Variants in GRM8 observed in about 807,000 individuals in gnomAD.
GRM8 encodes metabotropic glutamate receptor 8.
In GRM8, 47 loss-of-function variants were observed where a neutral mutation model predicts 87.2. That is an observed-to-expected ratio of 0.54 (90% confidence interval 0.43 to 0.69). The LOEUF (loss-of-function observed/expected upper bound fraction) is 0.69. GRM8 is among the 30% of genes least tolerant of loss of function. The probability of loss-of-function intolerance (pLI) is 0.00; values close to 1 mark genes in which losing one functional copy is unlikely to be tolerated. For synonymous variants in GRM8, 396 were observed against 404.5 expected (o/e 0.98, Z 0.25); for missense variants, 1,019 against 1,139.2 (o/e 0.89, Z 1.52).
chr7:127,143,400 TA>T (rs1460329511), intron 2 of GRM8, among the ~76,000 whole-genome samples: 1 of 152,170 alleles, frequency 6.6e-6, no homozygotes, highest in Non-Finnish European at 1.5e-5. Flanking sequence ...AGAGATATCC[TA>T]ATAAGTATTA....
chr7:126,963,863 T>A (rs1402716268), intron 3 of GRM8, among the ~76,000 whole-genome samples: 6 of 151,894 alleles, frequency 4.0e-5, no homozygotes, highest in African/African-American at 1.5e-4. Context: ...GCCAAGACAA[T>A]CCAAAGCAAA....
At chr7:126,704,966 C>T (rs549171863) in intron 7 of GRM8, among the ~76,000 whole-genome samples, 32 of 152,190 alleles carry the variant, frequency 2.1e-4, no homozygotes, top group South Asian at 1.5e-3. Context: ...CCTATTTGTA[C>T]GCTCCCTCCC....
At chr7:126,827,569 C>G (rs1053390308) in intron 6 of GRM8, among the ~76,000 whole-genome samples, 1 of 152,130 alleles carries the variant, frequency 6.6e-6, no homozygotes, top group African/African-American at 2.4e-5. Flanking sequence ...GATTTTGTAT[C>G]CTGAGACTTT....
intron 9 of GRM8, among the ~76,000 whole-genome samples, chr7:126,496,127 A>C (rs1808690542): frequency 6.6e-6 from 1 of 151,890 alleles, no homozygotes; most frequent in Non-Finnish European, 1.5e-5. Context: ...TTACACTTAG[A>C]GTTTCAGAGA....
chr7:127,232,189 G>GTGTGTGTA (rs1014692876), intron 2 of GRM8, among the ~76,000 whole-genome samples: 2 of 143,756 alleles, frequency 1.4e-5, no homozygotes, highest in African/African-American at 5.1e-5. Flanking sequence ...TTCTTTGTGT[G>GTGTGTGTA]TGTGTGTGTG....
chr7:126,886,618 A>G (rs2131041547), intron 6 of GRM8, among the ~76,000 whole-genome samples: 1 of 152,290 alleles, frequency 6.6e-6, no homozygotes, highest in South Asian at 2.1e-4. Context: ...ATTAATGCCT[A>G]CAGATTAATA....
rs367838252 is a variant in GRM8 at position 126,591,765 on chromosome 7, GA to G, written c.1494+17596del. On this transcript the variant is annotated intron_variant, in intron 8 of 10. Transcript: ENST00000339582. ...TAAGCTCAAAGTTAGTAGAAGGAAG[GA>G]AAAAAAAAAGATCATCACAGAAATA... is the stretch of plus-strand genomic sequence containing the variant. Among the ~76,000 whole-genome samples the G allele has an allele frequency of 3.5e-3, 496 of 141,042 alleles. 20 individuals are homozygous for G. In the East Asian group the frequency reaches 0.084, roughly 24 times the overall value. The allele number at this position is 141,042 out of a possible 152,430, so 92.5% of individuals were successfully genotyped here. A position where few individuals can be genotyped will look rare whatever the true frequency, so the allele number is the denominator to read the frequency against.
chr7:126,971,290 C>T (rs1810405509), intron 3 of GRM8, among the ~76,000 whole-genome samples: 1 of 150,878 alleles, frequency 6.6e-6, no homozygotes, highest in African/African-American at 2.4e-5. Flanking sequence ...TTTATATATA[C>T]AGGGACTGGG....
At chr7:126,804,626 C>T (rs547740976) in intron 6 of GRM8, among the ~76,000 whole-genome samples, 1 of 152,172 alleles carries the variant, frequency 6.6e-6, no homozygotes, top group Non-Finnish European at 1.5e-5. Flanking sequence ...ATCCATTCAA[C>T]GAAGACACCT....
chr7:126,901,775 T>A (rs1378339567), intron 6 of GRM8, among the ~76,000 whole-genome samples: 1 of 152,228 alleles, frequency 6.6e-6, no homozygotes, highest in Non-Finnish European at 1.5e-5. Context: ...AAATTGACCC[T>A]TATATATGTT....
intron 2 of GRM8, among the ~76,000 whole-genome samples, chr7:127,112,945 CTTATCT>C (rs2133136425): frequency 6.6e-6 from 1 of 152,286 alleles, no homozygotes; most frequent in East Asian, 1.9e-4. Flanking sequence ...CCCCTTCTTT[CTTATCT>C]TTATCTGTAA....
rs542926451 is a variant in GRM8 at position 126,709,185 on chromosome 7, CA to C, written c.1357+60679del. 3.8e-4 allele frequency among the ~76,000 whole-genome samples: 58 copies of C among 152,168 alleles called. 1 individual carries two copies. In the South Asian group the frequency reaches 0.012, roughly 32 times the overall value. ...TCTAACAGGTACATGAAAAGATGCT[CA>C]ACATTAATAATCATTAGAGAAATGC... On this transcript the variant is annotated intron_variant, in intron 7 of 10. Transcript: ENST00000339582.
chr7:126,810,983 A>C (rs1030671814), intron 6 of GRM8, among the ~76,000 whole-genome samples: 1 of 152,010 alleles, frequency 6.6e-6, no homozygotes, highest in Non-Finnish European at 1.5e-5. Context: ...GGTTTTCTTC[A>C]AGTATTGTTA....
At chr7:126,709,091 A>T (rs1810839166) in intron 7 of GRM8, among the ~76,000 whole-genome samples, 2 of 152,182 alleles carry the variant, frequency 1.3e-5, no homozygotes, top group Admixed American at 1.3e-4. Flanking sequence ...ATTTTTTGTC[A>T]AATAAAAAGT....
chr7:126,669,273 A>G (rs1806128221), intron 7 of GRM8, among the ~76,000 whole-genome samples: 1 of 152,152 alleles, frequency 6.6e-6, no homozygotes, highest in South Asian at 2.1e-4. Flanking sequence ...ACAATGGTAC[A>G]TGTATACCTA....
intron 7 of GRM8, among the ~76,000 whole-genome samples, chr7:126,712,149 T>C (rs904627630): frequency 6.6e-6 from 1 of 152,212 alleles, no homozygotes; most frequent in Non-Finnish European, 1.5e-5. Flanking sequence ...TTCCTTTCAA[T>C]TGAACACTTA....
At chr7:127,012,659 T>G (rs1456264785) in intron 3 of GRM8, among the ~76,000 whole-genome samples, 1 of 152,134 alleles carries the variant, frequency 6.6e-6, no homozygotes, top group Non-Finnish European at 1.5e-5. Flanking sequence ...GCTTCCTTAA[T>G]GGTGCCATCA....
intron 7 of GRM8, among the ~76,000 whole-genome samples, chr7:126,707,227 C>T (rs773667350): frequency 2.6e-5 from 4 of 152,094 alleles, no homozygotes; most frequent in Non-Finnish European, 5.9e-5. Flanking sequence ...TACCATGGCT[C>T]ACCAGAGAAA....
intron 7 of GRM8, among the ~76,000 whole-genome samples, chr7:126,613,851 G>A (rs1799175190): frequency 6.6e-6 from 1 of 152,214 alleles, no homozygotes; most frequent in Admixed American, 6.5e-5. Flanking sequence ...CCATTGCTGA[G>A]GCTTGAGTAG....
Sources: allele counts gnomAD v4.1 joint callset (sites outside exome capture counted in the v4.1 genomes callset), GRCh38; gene constraint gnomAD v4.1.1; transcripts MANE v1.5; gene names NCBI Gene and HGNC (gene_info 2026-07-23, HGNC 2026-07-21).